Variants in RNF150 observed in about 807,000 individuals in gnomAD.
RNF150 encodes the protein ring finger protein 150.
RNF150 carries 24 observed loss-of-function variants against 39.3 expected under a neutral mutation model. That is an observed-to-expected ratio of 0.61 (90% CI 0.44 to 0.86). RNF150 has a LOEUF of 0.86. RNF150 is among the 40% of genes least tolerant of loss of function. The pLI, the probability that RNF150 is intolerant of heterozygous loss-of-function variation, is 0.00. For synonymous variants in RNF150, 255 were observed against 227.3 expected (o/e 1.12, Z -1.10); for missense variants, 502 against 587.8 (o/e 0.85, Z 1.51).
intron 1 of RNF150, among the ~76,000 whole-genome samples, chr4:141,161,029 G>A (rs1450892922): frequency 6.6e-6 from 1 of 152,190 alleles, no homozygotes; most frequent in Admixed American, 6.5e-5. Context: ...TGAGTAATGA[G>A]CAGAGGTTGG....
Position 140,962,350 on chromosome 4 carries a change from T to C in RNF150, c.735+5273A>G, listed in dbSNP as rs192092866. Reference sequence around the variant, plus strand: ...CTAGCCACATTTCATGTGGCCACCATATGGCAGTGCATATGTGCATATATA... The same window carrying C: ...CTAGCCACATTTCATGTGGCCACCACATGGCAGTGCATATGTGCATATATA... On this transcript the variant is annotated intron_variant, in intron 2 of 6. Coordinates refer to ENST00000515673, the MANE Select transcript of RNF150 (RefSeq NM_020724.2). 4.1e-3 allele frequency among the ~76,000 whole-genome samples: 622 copies of C among 151,954 alleles called. 3 individuals are homozygous for C. The highest frequency in any genetic ancestry group is 8.9e-3 in the South Asian group (43 of 4,820).
chr4:141,211,205 T>G (rs1386792689), intron 1 of RNF150, among the ~76,000 whole-genome samples: 8 of 152,214 alleles, frequency 5.3e-5, no homozygotes, highest in Admixed American at 5.2e-4. Flanking sequence ...AATGTTTACT[T>G]AGTGTCTAAA....
intron 1 of RNF150, among the ~76,000 whole-genome samples, chr4:140,984,324 T>A (rs537207970): frequency 1.3e-5 from 2 of 152,236 alleles, no homozygotes; most frequent in East Asian, 3.9e-4. Flanking sequence ...CATAAATTAT[T>A]GGGATGAGTT....
In RNF150 at chr4:140,967,796, T is replaced by C. The variant is rs756245703; in HGVS notation, c.562A>G (p.Thr188Ala). The change falls in exon 2 of 7, where the codon ACC becomes GCC. Residue 188 changes from threonine to alanine, a missense_variant. Coordinates refer to ENST00000515673, the MANE Select transcript of RNF150 (RefSeq NM_020724.2). ...CCGATGGTGATGTACATTGTCACGG[T>C]GATGTTTCTTTCCAGCAGGCTTACT... is the stretch of plus-strand genomic sequence containing the variant. ...EIVSLLERNI[T>A]VTMYITIGTR... The C allele has an allele frequency of 1.9e-6, 3 of 1,613,454 alleles. No homozygotes were observed. The South Asian group carries it at 3.3e-5, about 18-fold the overall frequency.
chr4:140,885,884 G>GT (rs1458754388), intron 6 of RNF150, among the ~76,000 whole-genome samples: 2 of 152,158 alleles, frequency 1.3e-5, no homozygotes, highest in Non-Finnish European at 2.9e-5. Context: ...GATTACAGGC[G>GT]TAAGCCACAG....
At chr4:141,079,786 A>AT (rs1738080339) in intron 1 of RNF150, among the ~76,000 whole-genome samples, 1 of 152,230 alleles carries the variant, frequency 6.6e-6, no homozygotes. Flanking sequence ...CATGTCTGGC[A>AT]TTTATGTCCT....
At chr4:140,885,201 CTTTT>C (rs752444379) in intron 6 of RNF150, among the ~76,000 whole-genome samples, 1 of 129,140 alleles carries the variant, frequency 7.7e-6, no homozygotes, top group Non-Finnish European at 1.6e-5. Context: ...CAACATCAGT[CTTTT>C]TTTTTTTTTT....
At chr4:141,092,876 T>C (rs1738639584) in intron 1 of RNF150, among the ~76,000 whole-genome samples, 1 of 151,636 alleles carries the variant, frequency 6.6e-6, no homozygotes, top group Admixed American at 6.6e-5. Flanking sequence ...CTGAAAATGC[T>C]GGAGAATATA....
In RNF150 at chr4:140,991,611, GA is replaced by G. The variant is rs1734200163; in HGVS notation, c.485-23739del. Reference sequence around the variant, plus strand: ...ACCATAAAACTTCATTTCCTCACTGGAAATACAGAACACTGAATGTCAAGAC... The same window carrying G: ...ACCATAAAACTTCATTTCCTCACTGGAATACAGAACACTGAATGTCAAGAC... On this transcript the variant is annotated intron_variant, in intron 1 of 6. Coordinates refer to ENST00000515673, the MANE Select transcript of RNF150 (RefSeq NM_020724.2). Among the ~76,000 whole-genome samples the G allele has an allele frequency of 3.3e-5, 5 of 152,180 alleles. 1 individual carries two copies. In the South Asian group the frequency reaches 1.0e-3, roughly 32 times the overall value.
chr4:141,161,732 C>G (rs1410820809), intron 1 of RNF150, among the ~76,000 whole-genome samples: 1 of 152,216 alleles, frequency 6.6e-6, no homozygotes, highest in Non-Finnish European at 1.5e-5. Flanking sequence ...TGCTCCATCT[C>G]TAGCTGTGGC....
At chr4:141,161,127 G>A (rs1047412878) in intron 1 of RNF150, among the ~76,000 whole-genome samples, 2 of 152,134 alleles carry the variant, frequency 1.3e-5, no homozygotes, top group African/African-American at 2.4e-5. Flanking sequence ...TGACCGAAGC[G>A]CTGATAGTGA....
chr4:141,112,150 G>T (rs1739405103), intron 1 of RNF150, among the ~76,000 whole-genome samples: 1 of 152,078 alleles, frequency 6.6e-6, no homozygotes. Flanking sequence ...ATACAGATGA[G>T]GACTATAATA....
chr4:141,058,270 G>C (rs1222012053), intron 1 of RNF150, among the ~76,000 whole-genome samples: 1 of 151,978 alleles, frequency 6.6e-6, no homozygotes, highest in Non-Finnish European at 1.5e-5. Flanking sequence ...AGGGTGGAAG[G>C]GGAGGAGAAA....
intron 1 of RNF150, among the ~76,000 whole-genome samples, chr4:141,084,632 A>G (rs946293898): frequency 1.3e-5 from 2 of 152,216 alleles, no homozygotes; most frequent in African/African-American, 2.4e-5. Flanking sequence ...AGCATCTCAC[A>G]GACAATTCTA....
chr4:140,900,820 TTATATA>T (rs3033126), intron 6 of RNF150, among the ~76,000 whole-genome samples: 21 of 150,710 alleles, frequency 1.4e-4, no homozygotes, highest in Admixed American at 1.4e-3. Context: ...GCTAGGAACT[TTATATA>T]TATATATATA....
intron 1 of RNF150, among the ~76,000 whole-genome samples, chr4:141,197,542 C>A: frequency 6.6e-6 from 1 of 151,996 alleles, no homozygotes; most frequent in East Asian, 1.9e-4. Context: ...CTTTCATCAC[C>A]TTTTACAATT....
chr4:140,875,163 GTTT>G (rs58742685), intron 6 of RNF150, among the ~76,000 whole-genome samples: 9 of 122,568 alleles, frequency 7.3e-5, no homozygotes, highest in South Asian at 2.6e-4. Flanking sequence ...CAATCATTAC[GTTT>G]TTTTTTTTTT....
chr4:141,212,544 AC>A (rs1728487628), intron 1 of RNF150, among the ~76,000 whole-genome samples: 1 of 152,154 alleles, frequency 6.6e-6, no homozygotes, highest in Admixed American at 6.5e-5. Flanking sequence ...CTACTTAGAT[AC>A]AAAGACAACA....
intron 1 of RNF150, among the ~76,000 whole-genome samples, chr4:141,208,574 T>C (rs1180473489): frequency 6.6e-6 from 1 of 152,228 alleles, no homozygotes; most frequent in Non-Finnish European, 1.5e-5. Flanking sequence ...CTTAATTCTT[T>C]CCTTTTCAAT....
Sources: gnomAD v4.1 joint callset for allele counts (sites outside exome capture counted in the v4.1 genomes callset) on GRCh38, gnomAD v4.1.1 for gene constraint, MANE v1.5 for transcripts, NCBI Gene and HGNC (gene_info 2026-07-23, HGNC 2026-07-21) for gene names.